Variants in AGBL1 observed in about 807,000 individuals in gnomAD.
The protein encoded by AGBL1 is AGBL carboxypeptidase 1, also known as cytosolic carboxypeptidase 4.
Under a neutral mutation model 118.9 loss-of-function variants are expected in AGBL1, and 130 were observed. The ratio of observed to expected loss-of-function variants is 1.09; its 90% CI spans 0.95 to 1.26. The LOEUF (loss-of-function observed/expected upper bound fraction) is 1.26. AGBL1 is among the 50% of genes most tolerant of loss of function. The pLI, the probability that AGBL1 is intolerant of heterozygous loss-of-function variation, is 0.00. For synonymous variants in AGBL1, 555 were observed against 478.9 expected (o/e 1.16, Z -2.08); for missense variants, 1,584 against 1,298.1 (o/e 1.22, Z -3.38).
At chr15:86,226,909 C>T (rs949520430) in intron 6 of AGBL1, among the ~76,000 whole-genome samples, 7 of 152,192 alleles carry the variant, frequency 4.6e-5, no homozygotes, top group Non-Finnish European at 1.0e-4. Flanking sequence ...TCTCTTCCAG[C>T]AGACTGCAAG....
rs893499109 is a variant in AGBL1 at position 86,908,017 on chromosome 15, A to G, written c.*723A>G. ...TGCTAGGAAGTACCAGACCTACTGG[A>G]AAATTTATTCATTTCAGAATCTGAC... On this transcript the variant is annotated 3_prime_UTR_variant, in exon 23 of 23. Coordinates refer to ENST00000614907, the MANE Select transcript of AGBL1 (RefSeq NM_001386094.1). 3 of 152,218 alleles carry G rather than the reference A, an allele frequency of 2.0e-5. No individual in the cohort carries two copies. Among genetic ancestry groups the G allele is most frequent in the African/African-American group, 7.2e-5 (3 of 41,470 alleles). 9.4% of individuals were successfully genotyped at this position (152,218 alleles called of 1,614,324 possible).
rs71144030 is a variant in AGBL1 at position 86,124,329 on chromosome 15, C to CAAA, written c.52-17659_52-17657dup. Among the ~76,000 whole-genome samples, 618 of 93,162 alleles carry CAAA rather than the reference C, an allele frequency of 6.6e-3. 9 individuals carry two copies. The highest frequency in any genetic ancestry group is 0.021 in the African/African-American group (591 of 28,048). 61.1% of individuals were successfully genotyped at this position (93,162 alleles called of 152,430 possible). On this transcript the variant is annotated intron_variant, in intron 1 of 22. Coordinates refer to ENST00000614907, the MANE Select transcript of AGBL1 (RefSeq NM_001386094.1). Reference sequence around the variant, plus strand: ...TGGGCACCAGAGTGAGACTCTGTCTCAAAAAAAAAAAAAAAAAACAAAGAA... The same window carrying CAAA: ...TGGGCACCAGAGTGAGACTCTGTCTCAAAAAAAAAAAAAAAAAAAAACAAAGAA...
intron 1 of AGBL1, among the ~76,000 whole-genome samples, chr15:86,085,166 A>G (rs543027657): frequency 1.9e-4 from 29 of 152,280 alleles, no homozygotes; most frequent in African/African-American, 7.0e-4. Context: ...TCAAAAGAAA[A>G]TTTTATGGAA....
At chr15:86,110,470 T>G (rs4887284) in intron 1 of AGBL1, among the ~76,000 whole-genome samples, 126,958 of 152,160 alleles carry the variant, frequency 0.83, 56,297 homozygotes, top group East Asian at 0.99. Flanking sequence ...TGGATCATCT[T>G]AAGGGTCTTC....
chr15:86,829,762 GTTATT>G (rs1408634324), intron 22 of AGBL1, among the ~76,000 whole-genome samples: 1 of 152,002 alleles, frequency 6.6e-6, no homozygotes, highest in African/African-American at 2.4e-5. Flanking sequence ...AAAGCATACA[GTTATT>G]TTATTTTTTA....
At chr15:86,985,655 A>G (rs1370245853) in intron 23 of AGBL1, among the ~76,000 whole-genome samples, 1 of 151,998 alleles carries the variant, frequency 6.6e-6, no homozygotes, top group Non-Finnish European at 1.5e-5. Flanking sequence ...TGTTGTGTCA[A>G]TATTTTCTTC....
At chr15:86,460,838 C>T (rs1386398431) in intron 18 of AGBL1, among the ~76,000 whole-genome samples, 1 of 152,170 alleles carries the variant, frequency 6.6e-6, no homozygotes, top group Non-Finnish European at 1.5e-5. Context: ...GGGTTCCTAG[C>T]AGCTGCTCCA....
intron 5 of AGBL1, among the ~76,000 whole-genome samples, chr15:86,201,259 T>G (rs919563875): frequency 6.6e-6 from 1 of 152,204 alleles, no homozygotes; most frequent in Non-Finnish European, 1.5e-5. Context: ...AAGTTCTATG[T>G]AGGATATAAT....
intron 24 of AGBL1, among the ~76,000 whole-genome samples, chr15:86,991,864 G>C (rs1268916530): frequency 1.3e-5 from 2 of 152,162 alleles, no homozygotes; most frequent in African/African-American, 2.4e-5. Context: ...AGCATTTCCT[G>C]AAACAATTGT....
At chr15:86,730,550 A>T (rs1296885605) in intron 22 of AGBL1, among the ~76,000 whole-genome samples, 2 of 152,120 alleles carry the variant, frequency 1.3e-5, no homozygotes, top group East Asian at 3.9e-4. Context: ...TTCAGATACA[A>T]TGTAGGGTCT....
At chr15:86,954,215 A>G (rs1460987327) in intron 23 of AGBL1, among the ~76,000 whole-genome samples, 1 of 152,224 alleles carries the variant, frequency 6.6e-6, no homozygotes, top group Non-Finnish European at 1.5e-5. Context: ...AATTAGTTCA[A>G]CCACTATAGA....
At chr15:86,535,684 A>G (rs995400958) in intron 19 of AGBL1, among the ~76,000 whole-genome samples, 1 of 152,194 alleles carries the variant, frequency 6.6e-6, no homozygotes, top group Non-Finnish European at 1.5e-5. Flanking sequence ...CCAGTGGAAT[A>G]GAATTTTTAG....
chr15:86,300,158 A>G (rs1044324567), intron 17 of AGBL1, among the ~76,000 whole-genome samples: 1 of 152,110 alleles, frequency 6.6e-6, no homozygotes, highest in African/African-American at 2.4e-5. Flanking sequence ...TTACTGGACT[A>G]TTACCCAGAA....
intron 17 of AGBL1, among the ~76,000 whole-genome samples, chr15:86,328,335 T>C (rs1053641524): frequency 6.6e-6 from 1 of 152,084 alleles, no homozygotes; most frequent in Non-Finnish European, 1.5e-5. Context: ...ATACAGAAAG[T>C]ATGGTAAAAA....
chr15:86,267,137 T>A (rs1173246346), intron 13 of AGBL1, 61 bp downstream of exon 13: 2 of 1,245,310 alleles, frequency 1.6e-6, no homozygotes, highest in Admixed American at 2.0e-5. Context: ...GCTGTGACTA[T>A]CTCTTCCCCA....
chr15:86,636,267 C>T (rs966662456), intron 21 of AGBL1, among the ~76,000 whole-genome samples: 1 of 152,060 alleles, frequency 6.6e-6, no homozygotes, highest in Non-Finnish European at 1.5e-5. Context: ...GCCCATGAAA[C>T]CTCACCTTCT....
chr15:86,504,402 A>G (rs1347112252), intron 18 of AGBL1, among the ~76,000 whole-genome samples: 1 of 151,534 alleles, frequency 6.6e-6, no homozygotes, highest in African/African-American at 2.4e-5. Context: ...ATCCATTTAC[A>G]TTTAATATAA....
In AGBL1 at chr15:86,625,379, G is replaced by GT. The variant is rs1199638580; in HGVS notation, c.2995-48889dup. Reference sequence around the variant, plus strand: ...AAGAAATTAGCGTTTTTTTTTTTTTGTTTTTGTTTTTTTTTTTTTTTACAA... The same window carrying GT: ...AAGAAATTAGCGTTTTTTTTTTTTTGTTTTTTGTTTTTTTTTTTTTTTACAA... On this transcript the variant is annotated intron_variant, in intron 21 of 22. Coordinates refer to ENST00000614907, the MANE Select transcript of AGBL1 (RefSeq NM_001386094.1). 3.4e-3 allele frequency among the ~76,000 whole-genome samples: 203 copies of GT among 59,426 alleles called. 7 individuals carry two copies. Among genetic ancestry groups the GT allele is most frequent in the African/African-American group, 0.017 (188 of 11,152 alleles). The allele number at this position is 59,426 out of a possible 152,430, so 39.0% of individuals were successfully genotyped here.
At chr15:86,691,755 T>TA (rs959718306) in intron 22 of AGBL1, among the ~76,000 whole-genome samples, 3 of 152,068 alleles carry the variant, frequency 2.0e-5, no homozygotes, top group South Asian at 2.1e-4. Context: ...GAGGCTGTTA[T>TA]AAAAAAATAT....
Sources: gnomAD v4.1 joint callset for allele counts (sites outside exome capture counted in the v4.1 genomes callset) on GRCh38, gnomAD v4.1.1 for gene constraint, MANE v1.5 for transcripts, NCBI Gene and HGNC (gene_info 2026-07-23, HGNC 2026-07-21) for gene names.